Variants in INSC observed in about 807,000 individuals in gnomAD.
INSC encodes the protein protein inscuteable homolog.
In INSC, 67 loss-of-function variants were observed where a neutral mutation model predicts 58.6. That is an observed-to-expected ratio of 1.14 (90% CI 0.94 to 1.40). The LOEUF is 1.40. Among genes scored for constraint, INSC ranks in the 40% most tolerant of loss-of-function variants. INSC has a pLI of 0.00. For synonymous variants in INSC, 262 were observed against 276.1 expected (o/e 0.95, Z 0.51); for missense variants, 714 against 692.0 (o/e 1.03, Z -0.36).
intron 5 of INSC, among the ~76,000 whole-genome samples, chr11:15,179,626 C>T (rs1849692178): frequency 6.6e-6 from 1 of 152,214 alleles, no homozygotes; most frequent in African/African-American, 2.4e-5. Context: ...ACCCCAACAA[C>T]AGGAAGGTCC....
At chr11:15,254,777 T>C in the INSC span, among the ~76,000 whole-genome samples, 4 of 152,174 alleles carry the variant, frequency 2.6e-5, no homozygotes, top group Non-Finnish European at 4.4e-5. Flanking sequence ...CCATAGTGTG[T>C]TAGAAACAGA....
chr11:15,175,693 A>G, intron 2 of INSC, 48 bp from the exon 3 acceptor site: 1 of 1,431,236 alleles, frequency 7.0e-7, no homozygotes, highest in South Asian at 1.5e-5. Flanking sequence ...AGACCTTTGG[A>G]AATCATGGGG....
chr11:15,134,006 C>T (rs1467292294), intron 1 of INSC, among the ~76,000 whole-genome samples: 2 of 121,042 alleles, frequency 1.7e-5, no homozygotes, highest in Non-Finnish European at 3.8e-5. Context: ...CTTGATATGC[C>T]TCTCTAAAAG....
At chr11:15,194,282 T>C (rs569977367) in intron 6 of INSC, among the ~76,000 whole-genome samples, 6 of 152,318 alleles carry the variant, frequency 3.9e-5, no homozygotes, top group African/African-American at 1.4e-4. Flanking sequence ...AGCAAAGTTA[T>C]GTCCTTCGGT....
the INSC span, among the ~76,000 whole-genome samples, chr11:15,257,305 CATAAA>C: frequency 1.3e-5 from 2 of 151,976 alleles, no homozygotes; most frequent in African/African-American, 4.8e-5. Context: ...GTGGTAAATT[CATAAA>C]ATAAAATACT....
At chr11:15,125,480 A>G (rs1260808086) in intron 1 of INSC, among the ~76,000 whole-genome samples, 1 of 152,182 alleles carries the variant, frequency 6.6e-6, no homozygotes, top group Non-Finnish European at 1.5e-5. Flanking sequence ...ATGAATTAGG[A>G]GCCTATTATA....
At chr11:15,207,710 G>C (rs955625754) in intron 7 of INSC, among the ~76,000 whole-genome samples, 1 of 152,178 alleles carries the variant, frequency 6.6e-6, no homozygotes, top group Non-Finnish European at 1.5e-5. Context: ...TCCACTGTCT[G>C]CTCCCTGTAT....
At chr11:15,148,225 C>T (rs984736264) in intron 1 of INSC, among the ~76,000 whole-genome samples, 9 of 152,112 alleles carry the variant, frequency 5.9e-5, no homozygotes, top group African/African-American at 2.2e-4. Context: ...GAATAAAAAC[C>T]CTCACTCAGA....
chr11:15,250,504 T>TA (rs1852639223), downstream of INSC, among the ~76,000 whole-genome samples: 1 of 152,214 alleles, frequency 6.6e-6, no homozygotes, highest in Admixed American at 6.5e-5. Flanking sequence ...CCCTTGATAG[T>TA]ATCCCTTCTA....
intron 5 of INSC, among the ~76,000 whole-genome samples, chr11:15,185,361 A>G (rs1003044996): frequency 6.6e-6 from 1 of 152,148 alleles, no homozygotes; most frequent in African/African-American, 2.4e-5. Context: ...GGATACATAA[A>G]TGAATTATCC....
At chr11:15,255,736 A>ATGTGTGTGTG in the INSC span, among the ~76,000 whole-genome samples, 19,167 of 147,894 alleles carry the variant, frequency 0.13, 1,222 homozygotes, top group Middle Eastern at 0.17. Flanking sequence ...AAGTGTGTGT[A>ATGTGTGTGTG]TGTGTGTGTG....
At chr11:15,262,655 A>ACACACAC in the INSC span, among the ~76,000 whole-genome samples, 3 of 146,680 alleles carry the variant, frequency 2.0e-5, no homozygotes, top group Non-Finnish European at 4.5e-5. Context: ...CTGGGTGATA[A>ACACACAC]ACACACACAC....
intron 9 of INSC, among the ~76,000 whole-genome samples, chr11:15,229,476 C>T (rs920242559): frequency 3.3e-5 from 5 of 152,142 alleles, no homozygotes; most frequent in African/African-American, 1.2e-4. Flanking sequence ...CATTCTGGTT[C>T]TGCCATTTCC....
intron 6 of INSC, among the ~76,000 whole-genome samples, chr11:15,193,145 A>T (rs1040613854): frequency 5.9e-5 from 9 of 152,320 alleles, no homozygotes; most frequent in African/African-American, 2.2e-4. Context: ...TAGGTCTAGG[A>T]TTTGTGAGGC....
At chr11:15,203,370 A>T (rs562285464) in intron 7 of INSC, among the ~76,000 whole-genome samples, 1 of 152,188 alleles carries the variant, frequency 6.6e-6, no homozygotes, top group Non-Finnish European at 1.5e-5. Flanking sequence ...CTTATAATAC[A>T]CAGACACTCA....
intron 1 of INSC, among the ~76,000 whole-genome samples, chr11:15,142,006 C>T (rs1424905496): frequency 2.0e-5 from 3 of 152,180 alleles, no homozygotes; most frequent in Non-Finnish European, 4.4e-5. Flanking sequence ...ACCAACAGGA[C>T]AGAGACTAAA....
At chr11:15,212,114 T>A (rs1851049334) in intron 7 of INSC, among the ~76,000 whole-genome samples, 1 of 152,180 alleles carries the variant, frequency 6.6e-6, no homozygotes, top group African/African-American at 2.4e-5. Context: ...CATAGTTTTT[T>A]TTTTGGAGAT....
At chr11:15,148,261 T>G (rs1848544602) in intron 1 of INSC, among the ~76,000 whole-genome samples, 1 of 152,206 alleles carries the variant, frequency 6.6e-6, no homozygotes, top group Non-Finnish European at 1.5e-5. Flanking sequence ...AGAGCTTTTA[T>G]TTTCTTAGAT....
chr11:15,119,750 T>G (rs964453423), intron 1 of INSC, among the ~76,000 whole-genome samples: 2 of 152,180 alleles, frequency 1.3e-5, no homozygotes, highest in African/African-American at 4.8e-5. Flanking sequence ...CTTCTTTTGA[T>G]GGAGGGTCAG....
Sources: gnomAD v4.1 joint callset for allele counts (sites outside exome capture counted in the v4.1 genomes callset) on GRCh38, gnomAD v4.1.1 for gene constraint, MANE v1.5 for transcripts, NCBI Gene and HGNC (gene_info 2026-07-23, HGNC 2026-07-21) for gene names.